The following ABCB1 variants were observed in gnomAD, a reference collection of about 807,000 sequenced individuals.
The protein encoded by ABCB1 is ATP-dependent translocase ABCB1.
ABCB1 carries 69 observed loss-of-function variants against 142.0 expected under a neutral mutation model. The observed-to-expected ratio is 0.49, with a 90% CI of 0.40 to 0.59. The LOEUF is 0.59. ABCB1 is among the 20% of genes least tolerant of loss of function. The pLI is 0.00. For missense variants in ABCB1, 1,326 were observed against 1,554.7 expected, an observed-to-expected ratio of 0.85 and a Z score of 2.47; for synonymous variants, 532 against 539.2, an observed-to-expected ratio of 0.99 and a Z score of 0.18.
Position 87,509,478 on chromosome 7 carries a change from G to T in ABCB1, c.3286C>A (p.Leu1096Ile). The stretch of plus-strand genomic sequence containing the variant: ...AGTCGCTTTATTTCTTTGCCATCAA[G>T]CAGCTGAAAACAAGAGTTCACAGAT... ...FYDPLAGKVL[L>I]DGKEIKRLNV... The change falls in exon 26 of 28, where the codon CTT becomes ATT. Residue 1096 changes from leucine (L) to isoleucine (I), a missense_variant. Physicochemically the swap from Leu to Ile is conservative, Grantham distance 5. Coordinates refer to ENST00000622132, the MANE Select transcript of ABCB1 (RefSeq NM_001348946.2). 1 of 1,614,000 alleles carries T rather than the reference G, an allele frequency of 6.2e-7. No individual in the cohort carries two copies. Among genetic ancestry groups the T allele is most frequent in the African/African-American group, 1.3e-5 (1 of 75,048 alleles).
At chr7:87,662,273 G>A (rs1244634461) in intron 1 of ABCB1, among the ~76,000 whole-genome samples, 5 of 151,932 alleles carry the variant, frequency 3.3e-5, no homozygotes, top group East Asian at 3.9e-4. Context: ...TCACTTGTCC[G>A]TTTTTGCTTT....
At chr7:87,615,636 C>A (rs1820009067) in intron 1 of ABCB1, among the ~76,000 whole-genome samples, 1 of 152,136 alleles carries the variant, frequency 6.6e-6, no homozygotes. Context: ...ATGAAAAGTG[C>A]TTAGACTCTG....
chr7:87,594,352 T>C (rs1770027826), intron 3 of ABCB1, among the ~76,000 whole-genome samples: 1 of 152,196 alleles, frequency 6.6e-6, no homozygotes, highest in Non-Finnish European at 1.5e-5. Context: ...GGACAATGCT[T>C]GGCACACAGT....
At chr7:87,707,529 C>T (rs566910133) in intron 1 of ABCB1, among the ~76,000 whole-genome samples, 2 of 152,096 alleles carry the variant, frequency 1.3e-5, no homozygotes, top group African/African-American at 4.8e-5. Context: ...CAAAAATTAG[C>T]CAGGTGTGGT....
intron 7 of ABCB1, among the ~76,000 whole-genome samples, chr7:87,561,901 G>A (rs1271676177): frequency 6.6e-6 from 1 of 152,124 alleles, no homozygotes; most frequent in Admixed American, 6.6e-5. Context: ...TGGGAGGATC[G>A]TTTGAGCCTA....
At position 87,503,271 on chromosome 7, in the gene ABCB1, C is replaced by T. The variant is rs910175092; in HGVS notation, c.*972G>A. ...AATATAGTTTATAATGTTAATAATG[C>T]TTTTTGGCTAATTTAAAAAAATTTG... On this transcript the variant is annotated 3_prime_UTR_variant, in exon 28 of 28. Transcript: ENST00000622132. Among the ~76,000 whole-genome samples the T allele has an allele frequency of 4.9e-4, 74 of 151,428 alleles. No homozygotes were observed. The highest frequency in any genetic ancestry group is 1.7e-3 in the African/African-American group (69 of 41,208).
chr7:87,670,806 A>G (rs1473140364), intron 1 of ABCB1, among the ~76,000 whole-genome samples: 4 of 152,146 alleles, frequency 2.6e-5, no homozygotes, highest in Non-Finnish European at 5.9e-5. Flanking sequence ...CTTTTTGGTC[A>G]GTTGGTAGAC....
At chr7:87,628,771 T>C (rs1217036370) in intron 1 of ABCB1, 3 of 1,098,530 alleles carry the variant, frequency 2.7e-6, no homozygotes, top group African/African-American at 3.2e-5. Context: ...TAAGCAGGTG[T>C]GGGGGGCGTG....
intron 1 of ABCB1, among the ~76,000 whole-genome samples, chr7:87,675,095 C>A (rs932574695): frequency 6.6e-6 from 1 of 152,182 alleles, no homozygotes; most frequent in African/African-American, 2.4e-5. Flanking sequence ...GAGAGCGGGC[C>A]GCTCCTCACT....
At chr7:87,644,270 A>G (rs772258743) in intron 1 of ABCB1, among the ~76,000 whole-genome samples, 51 of 152,364 alleles carry the variant, frequency 3.3e-4, no homozygotes, top group Non-Finnish European at 5.9e-4. Flanking sequence ...ATTATCACCT[A>G]TAGTCACTGC....
At chr7:87,619,229 A>G (rs1584926991) in intron 1 of ABCB1, among the ~76,000 whole-genome samples, 2 of 152,222 alleles carry the variant, frequency 1.3e-5, no homozygotes, top group East Asian at 3.8e-4. Flanking sequence ...GGTCAATTAT[A>G]TAAACCACAA....
intron 1 of ABCB1, chr7:87,628,580 CGT>C (rs1430415147): frequency 1.4e-5 from 4 of 292,758 alleles, no homozygotes; most frequent in Non-Finnish European, 2.3e-5. Context: ...GTGGTGCGTG[CGT>C]GCGTGTGTGT....
chr7:87,706,455 G>T (rs968651988), intron 1 of ABCB1, among the ~76,000 whole-genome samples: 5 of 152,138 alleles, frequency 3.3e-5, no homozygotes, highest in Non-Finnish European at 4.4e-5. Context: ...AAACAATCAG[G>T]TTCCAGTGAT....
intron 1 of ABCB1, among the ~76,000 whole-genome samples, chr7:87,661,927 T>G (rs757838804): frequency 1.3e-5 from 2 of 152,154 alleles, no homozygotes; most frequent in Non-Finnish European, 2.9e-5. Context: ...ATTGCTTGTC[T>G]TTTGGATAAA....
At chr7:87,624,454 T>C (rs1820335899) in intron 1 of ABCB1, among the ~76,000 whole-genome samples, 1 of 152,188 alleles carries the variant, frequency 6.6e-6, no homozygotes, top group African/African-American at 2.4e-5. Context: ...ATTTTATATG[T>C]TGCACTTGTA....
intron 1 of ABCB1, among the ~76,000 whole-genome samples, chr7:87,614,835 A>G (rs1819978884): frequency 6.6e-6 from 1 of 150,622 alleles, no homozygotes; most frequent in Non-Finnish European, 1.5e-5. Context: ...TTGTGTGTGT[A>G]GGTGTTTTTT....
chr7:87,600,007 A>T, intron 2 of ABCB1, 110 bp downstream of exon 2: 1 of 1,146,668 alleles, frequency 8.7e-7, no homozygotes, highest in Non-Finnish European at 1.3e-6. Context: ...TGCGTTTCTT[A>T]AAAATAATTA....
intron 1 of ABCB1, among the ~76,000 whole-genome samples, chr7:87,709,689 C>T (rs1466343268): frequency 6.6e-6 from 1 of 152,002 alleles, no homozygotes; most frequent in Non-Finnish European, 1.5e-5. Flanking sequence ...TGTTTTTTCC[C>T]TTTCTGGTAG....
rs1160798241 is a variant in ABCB1, at chr7:87,646,782, C to T, written c.-330-45704G>A. Among the ~76,000 whole-genome samples, 7 of 152,178 alleles carry T rather than the reference C, an allele frequency of 4.6e-5. No homozygotes were observed. In the East Asian group the frequency reaches 7.7e-4, roughly 17 times the overall value. ...TCTTGTGTATTGTCACTGAGATGGA[C>T]GTAGGAAATAAAAGTTTTCAAGTCC... On this transcript the variant is annotated intron_variant, in intron 1 of 28. Transcript: ENST00000265724.
Sources: gnomAD v4.1 joint callset for allele counts (sites outside exome capture counted in the v4.1 genomes callset) on GRCh38, gnomAD v4.1.1 for gene constraint, MANE v1.5 for transcripts, NCBI Gene and HGNC (gene_info 2026-07-23, HGNC 2026-07-21) for gene names.